Variants in KAT8 observed in about 807,000 individuals in gnomAD.
The protein encoded by KAT8 is histone acetyltransferase KAT8.
Under a neutral mutation model 62.9 loss-of-function variants are expected in KAT8, and 40 were observed. The observed-to-expected ratio is 0.64, with a 90% CI of 0.49 to 0.83. The LOEUF is 0.83. Among genes scored for constraint, KAT8 ranks in the 40% least tolerant of loss-of-function variants. The pLI, the probability that KAT8 is intolerant of heterozygous loss-of-function variation, is 0.00. For synonymous variants in KAT8, 278 were observed against 254.5 expected, an observed-to-expected ratio of 1.09 and a Z score of -0.88; for missense variants, 387 against 614.8, an observed-to-expected ratio of 0.63 and a Z score of 3.92.
chr16:31,127,427 C>A, intron 5 of KAT8, 74 bp downstream of exon 5: 1 of 1,494,298 alleles, frequency 6.7e-7, no homozygotes, highest in Non-Finnish European at 9.2e-7. Context: ...AGACTGAGGG[C>A]GGCTGCGCCG....
chr16:31,130,736 C>T lies in KAT8; in HGVS notation c.1158-10C>T. On this transcript the variant is annotated splice_polypyrimidine_tract_variant and intron_variant, in intron 9 of 10. Transcript: ENST00000219797. Reference sequence around the variant, plus strand: ...CCAGGTCTGGCATTTGCTCTCATCCCTTTTTGCAGCCAGATGACCAGTATC... The same window carrying T: ...CCAGGTCTGGCATTTGCTCTCATCCTTTTTTGCAGCCAGATGACCAGTATC... The T allele has an allele frequency of 6.2e-7, 1 of 1,613,956 alleles. No homozygotes were observed. Among genetic ancestry groups the T allele is most frequent in the Non-Finnish European group, 8.5e-7 (1 of 1,179,838 alleles).
intron 3 of KAT8, chr16:31,124,143 GAT>G (rs1469303854): frequency 6.6e-6 from 1 of 152,250 alleles, no homozygotes; most frequent in African/African-American, 2.4e-5. Context: ...GTTTTAAAGA[GAT>G]GTGTGAGGAG....
chr16:31,118,057 C>G (rs2057463118), intron 1 of KAT8, 165 bp downstream of exon 1: 1 of 516,348 alleles, frequency 1.9e-6, no homozygotes, highest in African/African-American at 2.0e-5. Flanking sequence ...CGCTGAGAAA[C>G]CAGCCGGGTT....
chr16:31,121,478 A>G (rs2057493056), intron 3 of KAT8, among the ~76,000 whole-genome samples: 2 of 152,142 alleles, frequency 1.3e-5, no homozygotes, highest in South Asian at 4.1e-4. Context: ...CCTGTGAAGT[A>G]AGCATGCAGA....
rs2057547080 is a variant in KAT8, at chr16:31,128,093, G to A, written c.725G>A (p.Arg242His). 5.0e-6 allele frequency: 8 copies of A among 1,614,004 alleles called. No individual in the cohort carries two copies. The highest frequency in any genetic ancestry group is 2.2e-5 in the South Asian group (2 of 91,080). ...CAGCCCCCCGGGAAAGAGATCTACC[G>A]CAAGAGCAACATCTCCGTGTACGAA... ...WRQPPGKEIYRKSNISVYEVD... is the reference protein window; with the variant it reads ...WRQPPGKEIYHKSNISVYEVD... The change falls in exon 6 of 11, where the codon CGC (arginine) becomes CAC (histidine). Residue 242 changes from arginine to histidine, a missense_variant. Coordinates refer to ENST00000219797, the MANE Select transcript of KAT8 (RefSeq NM_032188.3).
Position 31,130,248 on chromosome 16 carries a change from G to A in KAT8, c.913-19G>A, listed in dbSNP as rs748503268. On this transcript the variant is annotated intron_variant, in intron 7 of 10. Transcript: ENST00000219797. Reference sequence around the variant, plus strand: ...GGGGCAGAGCCTCCCCAGCGGCCCTGAGCACCTGCCTCCTGCAGGAGAAGG... The same window carrying A: ...GGGGCAGAGCCTCCCCAGCGGCCCTAAGCACCTGCCTCCTGCAGGAGAAGG... The A allele has an allele frequency of 6.2e-6, 10 of 1,613,932 alleles. No individual in the cohort carries two copies. In the Admixed American group the frequency reaches 1.7e-4, roughly 27 times the overall value.
intron 3 of KAT8, among the ~76,000 whole-genome samples, chr16:31,123,247 C>T (rs1644779229): frequency 6.6e-6 from 1 of 152,122 alleles, no homozygotes; most frequent in African/African-American, 2.4e-5. Flanking sequence ...GACAGAGTCT[C>T]ACTCTGTTAA....
chr16:31,124,410 G>A (rs951876607), intron 3 of KAT8, among the ~76,000 whole-genome samples: 1 of 152,222 alleles, frequency 6.6e-6, no homozygotes, highest in Non-Finnish European at 1.5e-5. Context: ...GGGAAGCTGA[G>A]ATGATTGGAT....
At chr16:31,122,515 A>G (rs972040675) in intron 3 of KAT8, 3 of 152,172 alleles carry the variant, frequency 2.0e-5, no homozygotes, top group African/African-American at 7.2e-5. Flanking sequence ...CTATAGCTGT[A>G]CTATCTAGTA....
At chr16:31,120,127 CAGGA>C in intron 1 of KAT8, 55 bp from the exon 2 acceptor site, 1 of 1,421,540 alleles carries the variant, frequency 7.0e-7, no homozygotes, top group Non-Finnish European at 9.9e-7. Context: ...TCTCAGTGTG[CAGGA>C]TTCCTTTTGT....
intron 6 of KAT8, among the ~76,000 whole-genome samples, chr16:31,128,595 G>GTAGT (rs971608819): frequency 1.3e-5 from 2 of 152,158 alleles, no homozygotes; most frequent in Admixed American, 1.3e-4. Context: ...CACTAGGCCT[G>GTAGT]TAGTTGGTGC....
chr16:31,127,274 A>G lies in KAT8; in HGVS notation c.602A>G (p.Tyr201Cys). 1 of 1,614,166 alleles carries G rather than the reference A, an allele frequency of 6.2e-7. No homozygotes were observed. The highest frequency in any genetic ancestry group is 8.5e-7 in the Non-Finnish European group (1 of 1,179,972). ...TATTTCTCACCATTCCCCGAAGACT[A>G]TGGGAAACAGCCCAAGCTCTGGCTC... ...AWYFSPFPED[Y>C]GKQPKLWLCE... Residue 201 changes from tyrosine (Y) to cysteine (C), a missense_variant, in exon 5 of 11, where the codon TAT (tyrosine) becomes TGT (cysteine). Physicochemically the swap from Tyr to Cys is radical, Grantham distance 194. Coordinates refer to ENST00000219797, the MANE Select transcript of KAT8 (RefSeq NM_032188.3).
intron 6 of KAT8, 109 bp from the exon 7 acceptor site, chr16:31,129,908 C>A: frequency 8.1e-7 from 1 of 1,228,400 alleles, no homozygotes; most frequent in Non-Finnish European, 1.2e-6. Flanking sequence ...TGAAATCCTT[C>A]TGGCCTGGCG....
chr16:31,128,896 T>C (rs559173322), intron 6 of KAT8, among the ~76,000 whole-genome samples: 2 of 152,324 alleles, frequency 1.3e-5, no homozygotes, highest in East Asian at 3.9e-4. Flanking sequence ...TGCCTAGCTG[T>C]TGTAGAGAAC....
chr16:31,119,052 AT>A (rs1160825936), intron 1 of KAT8, among the ~76,000 whole-genome samples: 1 of 151,876 alleles, frequency 6.6e-6, no homozygotes. Flanking sequence ...CCCAGCTGTT[AT>A]CCCTTTTCAC....
intron 5 of KAT8, 45 bp from the exon 6 acceptor site, chr16:31,128,005 C>T (rs1257041788): frequency 6.8e-7 from 1 of 1,465,068 alleles, no homozygotes; most frequent in Non-Finnish European, 9.6e-7. Context: ...TGCCTCCTAG[C>T]AGAGAACATA....
rs778026323 is a variant in KAT8 at position 31,130,262 on chromosome 16, T to A, written c.913-5T>A. On this transcript the variant is annotated splice_polypyrimidine_tract_variant and splice_region_variant and intron_variant, in intron 7 of 10. Coordinates refer to ENST00000219797, the MANE Select transcript of KAT8 (RefSeq NM_032188.3). ...CCAGCGGCCCTGAGCACCTGCCTCC[T>A]GCAGGAGAAGGAGTCCCCGGATGGA... is the stretch of plus-strand genomic sequence containing the variant. The A allele has an allele frequency of 4.3e-6, 7 of 1,614,002 alleles. No individual in the cohort carries two copies. The Admixed American group carries it at 6.7e-5, about 15-fold the overall frequency.
chr16:31,118,048 G>A, intron 1 of KAT8, 156 bp downstream of exon 1: 1 of 561,646 alleles, frequency 1.8e-6, no homozygotes. Context: ...CGTTCCGGGC[G>A]CTGAGAAACC....
Position 31,120,097 on chromosome 16 carries a change from C to T in KAT8, c.212-89C>T, listed in dbSNP as rs1436944474. ...CCAGTGAGGTTAGCTGATGTGTGGC[C>T]CTGAACTCTGGAAACTGCTTCTCAG... On this transcript the variant is annotated intron_variant, in intron 1 of 10. Transcript: ENST00000219797. 8.5e-6 allele frequency: 9 copies of T among 1,059,138 alleles called. No individual in the cohort carries two copies. In the South Asian group the frequency reaches 1.0e-4, roughly 12 times the overall value. The allele number at this position is 1,059,138 out of a possible 1,614,324, so 65.6% of individuals were successfully genotyped here.
Sources: gnomAD v4.1 joint callset for allele counts (sites outside exome capture counted in the v4.1 genomes callset) on GRCh38, gnomAD v4.1.1 for gene constraint, MANE v1.5 for transcripts, NCBI Gene and HGNC (gene_info 2026-07-23, HGNC 2026-07-21) for gene names.